The following CIMIP4 variants were observed in gnomAD, a reference collection of about 807,000 sequenced individuals.
CIMIP4 encodes the protein protein EAN57.
At chr22:37,000,874 C>A in the CIMIP4 span, among the ~76,000 whole-genome samples, 1 of 152,158 alleles carries the variant, frequency 6.6e-6, no homozygotes, top group Non-Finnish European at 1.5e-5. Context: ...TCCAGACTTG[C>A]TGGTGGTGGG....
chr22:36,992,999 A>C, the CIMIP4 span, among the ~76,000 whole-genome samples: 15,128 of 149,652 alleles, frequency 0.1, 844 homozygotes, highest in African/African-American at 0.14. Flanking sequence ...ATTAAAGTTA[A>C]TTAAAGTTTT....
At chr22:37,003,569 C>G in the CIMIP4 span, among the ~76,000 whole-genome samples, 1 of 152,202 alleles carries the variant, frequency 6.6e-6, no homozygotes, top group African/African-American at 2.4e-5. Flanking sequence ...CACTCCCCTC[C>G]ACTCCTTGGG....
chr22:37,004,515 C>T, the CIMIP4 span, among the ~76,000 whole-genome samples: 1 of 152,092 alleles, frequency 6.6e-6, no homozygotes, highest in African/African-American at 2.4e-5. Context: ...AATGGTCGTT[C>T]GTGCTCAGGG....
At chr22:36,992,814 G>A in the CIMIP4 span, among the ~76,000 whole-genome samples, 24,272 of 151,630 alleles carry the variant, frequency 0.16, 2,420 homozygotes, top group African/African-American at 0.29. Flanking sequence ...GCAATACAAA[G>A]AAATAAAAAG....
the CIMIP4 span, among the ~76,000 whole-genome samples, chr22:37,001,127 G>A: frequency 2.6e-5 from 4 of 152,006 alleles, no homozygotes; most frequent in Admixed American, 1.3e-4. Flanking sequence ...GACCAGAAAC[G>A]GTAGATGAAT....
At chr22:37,002,379 G>T in the CIMIP4 span, 1 of 723,416 alleles carries the variant, frequency 1.4e-6, no homozygotes, top group Non-Finnish European at 1.9e-6. Flanking sequence ...GGGTGGGGAG[G>T]GGGCAGAGAT....
At chr22:37,006,875 T>C in the CIMIP4 span, among the ~76,000 whole-genome samples, 1 of 152,202 alleles carries the variant, frequency 6.6e-6, no homozygotes, top group South Asian at 2.1e-4. Context: ...CTACAACTTC[T>C]GTCTTTTTCA....
the CIMIP4 span, among the ~76,000 whole-genome samples, chr22:36,998,131 C>A: frequency 6.6e-6 from 1 of 152,078 alleles, no homozygotes; most frequent in Non-Finnish European, 1.5e-5. Context: ...GGGACATGGA[C>A]ATTTTTAAAA....
the CIMIP4 span, among the ~76,000 whole-genome samples, chr22:36,998,939 A>G: frequency 6.6e-6 from 1 of 152,156 alleles, no homozygotes; most frequent in Non-Finnish European, 1.5e-5. Context: ...AGCAAGGGCC[A>G]TACTCTCATT....
chr22:36,999,924 T>G, the CIMIP4 span: 3 of 1,613,906 alleles, frequency 1.9e-6, no homozygotes, highest in African/African-American at 4.0e-5. Context: ...TTCTGGGTCC[T>G]GCTGGGCCAT....
the CIMIP4 span, among the ~76,000 whole-genome samples, chr22:36,995,901 T>C: frequency 6.6e-6 from 1 of 152,240 alleles, no homozygotes. Flanking sequence ...TTATATTTAA[T>C]GATGTAATGT....
chr22:36,994,034 C>A, the CIMIP4 span, among the ~76,000 whole-genome samples: 28 of 152,142 alleles, frequency 1.8e-4, no homozygotes, highest in African/African-American at 6.3e-4. Flanking sequence ...TGTAGGGCAA[C>A]GGCACGATGA....
the CIMIP4 span, among the ~76,000 whole-genome samples, chr22:36,994,529 C>A: frequency 6.6e-6 from 1 of 151,904 alleles, no homozygotes; most frequent in South Asian, 2.1e-4. Flanking sequence ...GCCATCATGC[C>A]AGCTAATTTT....
chr22:37,000,081 C>A, the CIMIP4 span: 3 of 1,447,128 alleles, frequency 2.1e-6, no homozygotes, highest in Non-Finnish European at 2.8e-6. Flanking sequence ...CTGCCCTCCC[C>A]ACCCCGATCC....
the CIMIP4 span, chr22:37,001,752 A>T: frequency 7.5e-7 from 1 of 1,334,302 alleles, no homozygotes; most frequent in Non-Finnish European, 1.0e-6. Flanking sequence ...TGGTATTATT[A>T]TAGGGACTCT....
chr22:37,002,600 C>T, the CIMIP4 span, among the ~76,000 whole-genome samples: 967 of 152,316 alleles, frequency 6.3e-3, 11 homozygotes, highest in African/African-American at 0.022. Flanking sequence ...AAGCCTGTCC[C>T]GCCTTGAGGC....
the CIMIP4 span, among the ~76,000 whole-genome samples, chr22:37,006,242 G>A: frequency 1.3e-5 from 2 of 152,054 alleles, no homozygotes; most frequent in African/African-American, 4.8e-5. Context: ...AGATACCATT[G>A]AACAAAAAAT....
chr22:37,001,983 G>A, the CIMIP4 span: 1 of 1,613,964 alleles, frequency 6.2e-7, no homozygotes, highest in Non-Finnish European at 8.5e-7. Flanking sequence ...CCCTGGCATG[G>A]CTGAGCCCCC....
chr22:36,996,773 G>A, the CIMIP4 span, among the ~76,000 whole-genome samples: 5 of 152,186 alleles, frequency 3.3e-5, no homozygotes, highest in African/African-American at 1.2e-4. Context: ...AGTATTGCCT[G>A]ACCAGATATC....
Sources: gnomAD v4.1 joint callset for allele counts (sites outside exome capture counted in the v4.1 genomes callset) on GRCh38, gnomAD v4.1.1 for gene constraint, MANE v1.5 for transcripts, NCBI Gene and HGNC (gene_info 2026-07-23, HGNC 2026-07-21) for gene names.